Variants in LRP8 observed in about 807,000 individuals in gnomAD.
LRP8 encodes the protein low-density lipoprotein receptor-related protein 8.
LRP8 carries 46 observed loss-of-function variants against 111.6 expected under a neutral mutation model. The observed-to-expected ratio is 0.41, with a 90% CI of 0.33 to 0.53. LRP8 has a LOEUF of 0.53. LRP8 is among the 20% of genes least tolerant of loss of function. The probability of loss-of-function intolerance (pLI) is 0.20; values close to 1 mark genes in which losing one functional copy is unlikely to be tolerated. For missense variants in LRP8, 959 were observed against 1,297.4 expected, an observed-to-expected ratio of 0.74 and a Z score of 4.01; for synonymous variants, 464 against 511.2, an observed-to-expected ratio of 0.91 and a Z score of 1.24.
chr1:53,280,563 C>G (rs780708678), intron 4 of LRP8, 24 bp downstream of exon 4: 1 of 1,608,940 alleles, frequency 6.2e-7, no homozygotes, highest in South Asian at 1.1e-5. Context: ...TTGGCAGACC[C>G]TGGAGATCTG....
At chr1:53,270,630 A>G (rs1646728876) in intron 8 of LRP8, among the ~76,000 whole-genome samples, 1 of 152,182 alleles carries the variant, frequency 6.6e-6, no homozygotes, top group African/African-American at 2.4e-5. Context: ...TAGGACAGAG[A>G]CAGGAACTTC....
intron 3 of LRP8, among the ~76,000 whole-genome samples, chr1:53,287,350 G>A (rs1291740300): frequency 6.6e-6 from 1 of 152,230 alleles, no homozygotes; most frequent in East Asian, 1.9e-4. Context: ...CACAGGAAGT[G>A]GGTATCATGG....
chr1:53,250,643 G>A lies in LRP8; in HGVS notation c.2676+47C>T. The stretch of plus-strand genomic sequence containing the variant: ...GATGGGAGGGGAAGAAAGGATGGAA[G>A]GGAAGATGGTCGGAAGGTAGGAATT... On this transcript the variant is annotated intron_variant, in intron 17 of 18. Coordinates refer to ENST00000306052, the MANE Select transcript of LRP8 (RefSeq NM_004631.5). This position sits in a 1 kb window ranked among gnomAD's most constrained non-coding sequence, Gnocchi z 4.6. 6.5e-7 allele frequency: 1 copy of A among 1,541,658 alleles called. No individual in the cohort carries two copies. The highest frequency in any genetic ancestry group is 8.9e-7 in the Non-Finnish European group (1 of 1,119,696).
At chr1:53,325,890 G>A (rs1655063602) in intron 2 of LRP8, among the ~76,000 whole-genome samples, 1 of 152,240 alleles carries the variant, frequency 6.6e-6, no homozygotes, top group Admixed American at 6.5e-5. Context: ...ATGTCTCTAG[G>A]AGAGCCCTGT....
chr1:53,300,499 G>A (rs1055085186), intron 2 of LRP8, among the ~76,000 whole-genome samples: 4 of 152,180 alleles, frequency 2.6e-5, no homozygotes, highest in South Asian at 4.1e-4. Flanking sequence ...TTGGCAGACC[G>A]ACCCAGGCAG....
chr1:53,274,625 G>A (rs555742869), intron 6 of LRP8: 6 of 450,616 alleles, frequency 1.3e-5, no homozygotes, highest in African/African-American at 1.2e-4. Context: ...GGCACTGGAG[G>A]GCCTTGAGCC....
chr1:53,262,683 A>G lies in LRP8; in HGVS notation c.1656-119T>C. Reference sequence around the variant, plus strand: ...GGTTTATGTTTAGTAGGGACTGAGAAGACCTCTAAAGTTCTTTTGAACCAT... The same window carrying G: ...GGTTTATGTTTAGTAGGGACTGAGAGGACCTCTAAAGTTCTTTTGAACCAT... On this transcript the variant is annotated intron_variant, in intron 10 of 18. Coordinates refer to ENST00000306052, the MANE Select transcript of LRP8 (RefSeq NM_004631.5). The surrounding 1 kb of genome is among the most constrained non-coding windows in gnomAD (Gnocchi z 4.8). The G allele has an allele frequency of 1.3e-6, 1 of 752,120 alleles. No individual in the cohort carries two copies. The highest frequency in any genetic ancestry group is 2.3e-6 in the Non-Finnish European group (1 of 430,444). The allele number at this position is 752,120 out of a possible 1,614,324, so 46.6% of individuals were successfully genotyped here.
At chr1:53,277,400 C>T (rs1023736741) in intron 4 of LRP8, among the ~76,000 whole-genome samples, 6 of 152,174 alleles carry the variant, frequency 3.9e-5, no homozygotes, top group Admixed American at 1.3e-4. Flanking sequence ...GGTCCCAGGA[C>T]ATGATCTGTT....
chr1:53,289,104 G>C (rs971565717), intron 3 of LRP8, among the ~76,000 whole-genome samples: 20 of 152,238 alleles, frequency 1.3e-4, no homozygotes, highest in Admixed American at 5.2e-4. Flanking sequence ...TTGAGCTTCA[G>C]TGTTCTCCGT....
In LRP8 at chr1:53,247,073, A is replaced by C; in HGVS notation, c.2854-17T>G. The C allele has an allele frequency of 1.3e-6, 2 of 1,583,678 alleles. No individual in the cohort carries two copies. Among genetic ancestry groups the C allele is most frequent in the Non-Finnish European group, 1.7e-6 (2 of 1,167,004 alleles). ...TGCCACTCGCTGGGGAGACAAACCAAAGAATTCATCATTAGATCCATAAGA... is the reference window on the plus strand; with the variant it reads ...TGCCACTCGCTGGGGAGACAAACCACAGAATTCATCATTAGATCCATAAGA... On this transcript the variant is annotated splice_polypyrimidine_tract_variant and intron_variant, in intron 18 of 18. Coordinates refer to ENST00000306052, the MANE Select transcript of LRP8 (RefSeq NM_004631.5).
chr1:53,289,558 AGGACTCACTGCAAGTGGCCTC>A lies in LRP8; in HGVS notation c.355_367+8del. 1 of 1,594,848 alleles carries A rather than the reference AGGACTCACTGCAAGTGGCCTC, an allele frequency of 6.3e-7. No individual in the cohort carries two copies. The highest frequency in any genetic ancestry group is 8.6e-7 in the Non-Finnish European group (1 of 1,169,200). ...CCCACCCCCACCCAGACTGAGGGGC[AGGACTCACTGCAAGTGGCCTC>A]GGACTCATCGGAGCCATCAGGACAC... On this transcript the variant is annotated splice_donor_variant and splice_donor_5th_base_variant and coding_sequence_variant and intron_variant, in exon 3 of 19. Coordinates refer to ENST00000306052, the MANE Select transcript of LRP8 (RefSeq NM_004631.5). LOFTEE classifies it high-confidence loss of function.
intron 3 of LRP8, among the ~76,000 whole-genome samples, chr1:53,283,218 G>A (rs1572536119): frequency 1.3e-5 from 2 of 152,056 alleles, no homozygotes; most frequent in South Asian, 2.1e-4. Flanking sequence ...TCCACCACGT[G>A]AGGATGAAGC....
chr1:53,300,873 G>A (rs939549816), intron 2 of LRP8, among the ~76,000 whole-genome samples: 1 of 152,224 alleles, frequency 6.6e-6, no homozygotes, highest in African/African-American at 2.4e-5. Flanking sequence ...GACCTCTGGG[G>A]TGACATTGGA....
intron 2 of LRP8, among the ~76,000 whole-genome samples, chr1:53,301,515 A>T (rs1350240121): frequency 1.3e-5 from 2 of 152,220 alleles, no homozygotes; most frequent in Non-Finnish European, 2.9e-5. Context: ...TGAGCCCAGG[A>T]GTTCAATACC....
At chr1:53,290,666 T>C (rs544205231) in intron 2 of LRP8, among the ~76,000 whole-genome samples, 35 of 151,802 alleles carry the variant, frequency 2.3e-4, no homozygotes, top group Non-Finnish European at 8.8e-5. Flanking sequence ...GGAACTAGAG[T>C]TTCCAGATCA....
intron 3 of LRP8, among the ~76,000 whole-genome samples, chr1:53,288,816 C>G (rs887443325): frequency 6.6e-6 from 1 of 152,222 alleles, no homozygotes; most frequent in Non-Finnish European, 1.5e-5. Flanking sequence ...CCCTTCTCAT[C>G]TCCTTTTTAA....
intron 3 of LRP8, among the ~76,000 whole-genome samples, chr1:53,284,462 C>T (rs902636050): frequency 3.3e-5 from 5 of 152,110 alleles, no homozygotes; most frequent in Non-Finnish European, 7.4e-5. Context: ...TGACTAGAGC[C>T]TTGCCCTTCC....
chr1:53,322,386 A>G (rs1654628442), intron 2 of LRP8, among the ~76,000 whole-genome samples: 1 of 152,118 alleles, frequency 6.6e-6, no homozygotes, highest in Non-Finnish European at 1.5e-5. Context: ...CCTGCACCGG[A>G]TCTCTTAGGA....
intron 2 of LRP8, among the ~76,000 whole-genome samples, chr1:53,310,156 G>C (rs1439773991): frequency 6.6e-6 from 1 of 152,142 alleles, no homozygotes; most frequent in African/African-American, 2.4e-5. Context: ...TGGAGTCTTG[G>C]TGTCAGGGAT....
Sources: gnomAD v4.1 joint callset for allele counts (sites outside exome capture counted in the v4.1 genomes callset) on GRCh38, gnomAD v4.1.1 for gene constraint, Gnocchi (gnomAD v3.1) non-coding constraint, MANE v1.5 for transcripts, NCBI Gene and HGNC (gene_info 2026-07-23, HGNC 2026-07-21) for gene names.